Variants in PRKACB observed in about 807,000 individuals in gnomAD.
The protein encoded by PRKACB is protein kinase cAMP-activated catalytic subunit beta.
In PRKACB, 16 loss-of-function variants were observed where a neutral mutation model predicts 51.4. The observed-to-expected ratio is 0.31, with a 90% CI of 0.21 to 0.47. PRKACB has a LOEUF of 0.47. Among genes scored for constraint, PRKACB ranks in the 20% least tolerant of loss-of-function variants. The pLI is 1.00. For missense variants in PRKACB, 309 were observed against 464.5 expected (o/e 0.67, Z 3.08); for synonymous variants, 147 against 154.4 (o/e 0.95, Z 0.35).
intron 4 of PRKACB, among the ~76,000 whole-genome samples, chr1:84,184,814 T>C (rs546720638): frequency 2.0e-5 from 3 of 152,024 alleles, no homozygotes; most frequent in Non-Finnish European, 4.4e-5. Context: ...GCATATATTA[T>C]AACGTTACTT....
chr1:84,183,558 C>A (rs1254233872), intron 3 of PRKACB, among the ~76,000 whole-genome samples: 1 of 151,408 alleles, frequency 6.6e-6, no homozygotes, highest in African/African-American at 2.4e-5. Flanking sequence ...TTTTCTTATT[C>A]ATCTTCTGAA....
chr1:84,199,204 G>A (rs773938142), intron 7 of PRKACB, among the ~76,000 whole-genome samples: 10 of 150,918 alleles, frequency 6.6e-5, no homozygotes, highest in Admixed American at 1.3e-4. Flanking sequence ...GGTTACAGAC[G>A]TAAACTCATG....
rs558810272 is a variant in PRKACB at position 84,161,565 on chromosome 1, G to A, written c.187+17017G>A. Among the ~76,000 whole-genome samples, 8 of 150,982 alleles carry A rather than the reference G, an allele frequency of 5.3e-5. 1 individual carries two copies. The highest frequency in any genetic ancestry group is 1.5e-4 in the African/African-American group (6 of 41,254). The stretch of plus-strand genomic sequence containing the variant: ...TTTCTACCACCTTCTTTTCTATTAC[G>A]TATGTTTTAATTATTTGGTTTTGAT... On this transcript the variant is annotated intron_variant, in intron 1 of 9. Coordinates refer to ENST00000370685, the MANE Select transcript of PRKACB (RefSeq NM_182948.4).
At chr1:84,144,139 G>T, upstream of PRKACB, 1 of 786,842 alleles carries the variant, frequency 1.3e-6, no homozygotes, top group Non-Finnish European at 1.8e-6. Flanking sequence ...GGCAGATATT[G>T]CAAGTTTTTA....
rs867986065 is a variant in PRKACB at position 84,181,904 on chromosome 1, A to G, written c.250-296A>G. Among the ~76,000 whole-genome samples, 8 of 152,164 alleles carry G rather than the reference A, an allele frequency of 5.3e-5. No homozygotes were observed. In the Middle Eastern group the frequency reaches 0.01, roughly 194 times the overall value. On this transcript the variant is annotated intron_variant, in intron 2 of 9. Transcript: ENST00000370685. The stretch of plus-strand genomic sequence containing the variant: ...AGTTCAGTAGTAAGATTAAAGTCCA[A>G]TACTAGGAATGCATACTGGAATATA...
At chr1:84,163,573 C>T (rs998574854) in intron 1 of PRKACB, among the ~76,000 whole-genome samples, 4 of 151,984 alleles carry the variant, frequency 2.6e-5, no homozygotes, top group African/African-American at 9.7e-5. Context: ...GAAGTACTCT[C>T]CTGACTGAGC....
At chr1:84,228,874 T>C (rs1675093431) in intron 9 of PRKACB, among the ~76,000 whole-genome samples, 1 of 152,140 alleles carries the variant, frequency 6.6e-6, no homozygotes, top group African/African-American at 2.4e-5. Context: ...GACTGAAGTT[T>C]TGTAACCTTA....
Position 84,137,252 on chromosome 1 carries a change from A to G in PRKACB, c.47-41925A>G, listed in dbSNP as rs961416815. Reference sequence around the variant, plus strand: ...AAAAGAGCTATAAAGCCGTAAAAAGACATGGATAAATTTTAAATACATATT... The same window carrying G: ...AAAAGAGCTATAAAGCCGTAAAAAGGCATGGATAAATTTTAAATACATATT... On this transcript the variant is annotated intron_variant, in intron 1 of 8. Coordinates refer to the PRKACB transcript ENST00000370688. Among the ~76,000 whole-genome samples, 3 of 152,336 alleles carry G rather than the reference A, an allele frequency of 2.0e-5. No homozygotes were observed. The East Asian group carries it at 5.8e-4, about 29-fold the overall frequency.
chr1:84,114,143 A>G (rs1393240192), intron 1 of PRKACB, among the ~76,000 whole-genome samples: 1 of 152,166 alleles, frequency 6.6e-6, no homozygotes, highest in Non-Finnish European at 1.5e-5. Context: ...AAAGAAACAG[A>G]CATGAACATG....
chr1:84,137,359 G>A (rs1488143883), intron 1 of PRKACB, among the ~76,000 whole-genome samples: 1 of 152,180 alleles, frequency 6.6e-6, no homozygotes, highest in African/African-American at 2.4e-5. Context: ...AAACTCACCA[G>A]TGGTAAAAAA....
intron 1 of PRKACB, among the ~76,000 whole-genome samples, chr1:84,148,479 A>G (rs140091644): frequency 4.6e-5 from 7 of 152,154 alleles, no homozygotes; most frequent in African/African-American, 1.7e-4. Context: ...CCTTGAAGGC[A>G]AATAACTTGT....
intron 9 of PRKACB, among the ~76,000 whole-genome samples, chr1:84,215,628 G>T (rs746159238): frequency 6.6e-6 from 1 of 152,080 alleles, no homozygotes; most frequent in Non-Finnish European, 1.5e-5. Context: ...CTAAACTGTA[G>T]CATATTTAAA....
intron 8 of PRKACB, among the ~76,000 whole-genome samples, chr1:84,211,542 T>C (rs1207012353): frequency 1.3e-5 from 2 of 152,292 alleles, no homozygotes; most frequent in East Asian, 3.9e-4. Context: ...AATGAGGAAA[T>C]GTGCAGCAAA....
chr1:84,142,118 G>T (rs1653473824), upstream of PRKACB, among the ~76,000 whole-genome samples: 1 of 152,062 alleles, frequency 6.6e-6, no homozygotes, highest in Non-Finnish European at 1.5e-5. Flanking sequence ...TGTTAAAAAT[G>T]AGTGAATACT....
intron 1 of PRKACB, among the ~76,000 whole-genome samples, chr1:84,081,190 A>G (rs185074920): frequency 7.0e-4 from 106 of 152,350 alleles, no homozygotes; most frequent in African/African-American, 2.5e-3. Flanking sequence ...AAAATATTCC[A>G]GAAGAATGAA....
At chr1:84,136,518 A>T (rs1362275194) in intron 1 of PRKACB, among the ~76,000 whole-genome samples, 2 of 151,512 alleles carry the variant, frequency 1.3e-5, no homozygotes, top group Non-Finnish European at 2.9e-5. Context: ...ACACACACAC[A>T]CTCACTCTGA....
intron 1 of PRKACB, among the ~76,000 whole-genome samples, chr1:84,158,598 A>T (rs1229559019): frequency 6.6e-6 from 1 of 152,102 alleles, no homozygotes; most frequent in Non-Finnish European, 1.5e-5. Flanking sequence ...TAAATATCAA[A>T]TATTTCCTTC....
chr1:84,188,686 CTT>C (rs993435423), intron 5 of PRKACB, among the ~76,000 whole-genome samples: 3 of 151,700 alleles, frequency 2.0e-5, no homozygotes, highest in African/African-American at 7.3e-5. Context: ...TATACAATCT[CTT>C]ATATAATTTA....
At chr1:84,206,320 CA>C (rs1462830682) in intron 8 of PRKACB, among the ~76,000 whole-genome samples, 1 of 152,068 alleles carries the variant, frequency 6.6e-6, no homozygotes, top group Non-Finnish European at 1.5e-5. Context: ...TCAATATTTA[CA>C]TGAAGGGTAA....
Sources: allele counts gnomAD v4.1 joint callset (sites outside exome capture counted in the v4.1 genomes callset), GRCh38; gene constraint gnomAD v4.1.1; transcripts MANE v1.5; gene names NCBI Gene and HGNC (gene_info 2026-07-23, HGNC 2026-07-21).